Variants in PPP1R7 observed in about 807,000 individuals in gnomAD.
The protein encoded by PPP1R7 is protein phosphatase 1 regulatory subunit 7.
In PPP1R7, 18 loss-of-function variants were observed where a neutral mutation model predicts 45.2. The observed-to-expected ratio is 0.40, with a 90% confidence interval of 0.28 to 0.59. The LOEUF (loss-of-function observed/expected upper bound fraction) is 0.59, where lower values mean the gene tolerates loss of function less well. Ranked by LOEUF, PPP1R7 falls within the 20% of genes least tolerant of loss-of-function variation. The pLI is 0.46. For missense variants in PPP1R7, 314 were observed against 455.8 expected, an observed-to-expected ratio of 0.69 and a Z score of 2.83; for synonymous variants, 181 against 183.4, an observed-to-expected ratio of 0.99 and a Z score of 0.11.
At chr2:241,176,270 G>C (rs1315149123) in intron 9 of PPP1R7, among the ~76,000 whole-genome samples, 1 of 152,186 alleles carries the variant, frequency 6.6e-6, no homozygotes, top group Non-Finnish European at 1.5e-5. Context: ...GGCCAACTGG[G>C]TGGAGGCCAG....
At chr2:241,149,885 A>G, upstream of PPP1R7, 2 of 1,446,992 alleles carry the variant, frequency 1.4e-6, no homozygotes, top group Non-Finnish European at 1.8e-6. Flanking sequence ...CCAGCTGGCT[A>G]GCGGCCCCAC....
intron 8 of PPP1R7, among the ~76,000 whole-genome samples, chr2:241,168,384 T>C (rs1008292600): frequency 2.0e-5 from 3 of 152,166 alleles, no homozygotes; most frequent in African/African-American, 7.2e-5. Context: ...TGCCAGTTTC[T>C]GGGCTTGCAT....
chr2:241,152,220 C>T (rs1253304716), intron 1 of PPP1R7, among the ~76,000 whole-genome samples: 2 of 152,238 alleles, frequency 1.3e-5, no homozygotes, highest in Non-Finnish European at 1.5e-5. Flanking sequence ...AGGTGCTATA[C>T]TAGCTCCCTT....
chr2:241,164,024 T>G (rs2067653376), intron 7 of PPP1R7, among the ~76,000 whole-genome samples: 1 of 152,082 alleles, frequency 6.6e-6, no homozygotes, highest in Non-Finnish European at 1.5e-5. Flanking sequence ...TCAAGCAATC[T>G]TCCCTCCTCA....
intron 9 of PPP1R7, among the ~76,000 whole-genome samples, chr2:241,170,812 T>G (rs1309937319): frequency 6.6e-6 from 1 of 151,358 alleles, no homozygotes; most frequent in Non-Finnish European, 1.5e-5. Flanking sequence ...AGTGTCATGA[T>G]GGGATACCAG....
At chr2:241,153,179 C>G (rs1002679924) in intron 1 of PPP1R7, among the ~76,000 whole-genome samples, 1 of 152,220 alleles carries the variant, frequency 6.6e-6, no homozygotes, top group Admixed American at 6.5e-5. Flanking sequence ...TGGATTTAAT[C>G]ACAGGTGATC....
At chr2:241,176,885 G>T (rs955617071) in intron 9 of PPP1R7, among the ~76,000 whole-genome samples, 7 of 152,208 alleles carry the variant, frequency 4.6e-5, no homozygotes, top group African/African-American at 1.7e-4. Flanking sequence ...TCGTGACTAC[G>T]GAGATAGCTG....
In PPP1R7 at chr2:241,160,456, C is replaced by A; in HGVS notation, c.559C>A (p.Gln187Lys). Residue 187 changes from glutamine (Q) to lysine (K), a missense_variant, in exon 6 of 10, where the codon CAA becomes AAA. Physicochemically the swap from Gln to Lys is moderately conservative, Grantham distance 53. Coordinates refer to ENST00000234038, the MANE Select transcript of PPP1R7 (RefSeq NM_002712.3). ...SKIENLSNLH[Q>K]LQMLELGSNR... ...AATTGAGAACTTAAGCAACTTACATCAACTACAGATGCTAGAGCTGGGATC... is the reference window on the plus strand; with the variant it reads ...AATTGAGAACTTAAGCAACTTACATAAACTACAGATGCTAGAGCTGGGATC... The A allele has an allele frequency of 3.1e-6, 5 of 1,611,790 alleles. No homozygotes were observed. The highest frequency in any genetic ancestry group is 2.2e-5 in the South Asian group (2 of 90,418).
intron 2 of PPP1R7, 144 bp downstream of exon 2, chr2:241,153,748 G>A (rs1386391739): frequency 1.6e-5 from 16 of 1,027,160 alleles, no homozygotes; most frequent in African/African-American, 3.2e-5. Context: ...GCCCAGGGCA[G>A]GTGGATATGC....
At chr2:241,173,545 G>A (rs142119809) in intron 9 of PPP1R7, among the ~76,000 whole-genome samples, 269 of 152,300 alleles carry the variant, frequency 1.8e-3, no homozygotes, top group Middle Eastern at 3.4e-3. Flanking sequence ...GTGCCATGGT[G>A]TAGTTTATTT....
intron 8 of PPP1R7, 131 bp from the exon 9 acceptor site, chr2:241,169,648 GCC>G (rs2067780106): frequency 1.5e-6 from 1 of 684,842 alleles, no homozygotes; most frequent in African/African-American, 1.8e-5. Flanking sequence ...TCCATAGCAT[GCC>G]CTTACCCTGT....
chr2:241,165,661 T>G (rs1385166141), intron 7 of PPP1R7, among the ~76,000 whole-genome samples: 2 of 151,924 alleles, frequency 1.3e-5, no homozygotes, highest in Non-Finnish European at 2.9e-5. Flanking sequence ...TGGTGCAATC[T>G]CGGCTCACTG....
At chr2:241,179,340 T>G (rs1427158928) in intron 9 of PPP1R7, among the ~76,000 whole-genome samples, 1 of 152,128 alleles carries the variant, frequency 6.6e-6, no homozygotes, top group Non-Finnish European at 1.5e-5. Context: ...ATGATAAAAC[T>G]TAGCATCCCT....
At chr2:241,149,968 CCG>C (rs1424003597), upstream of PPP1R7, 1 of 1,423,350 alleles carries the variant, frequency 7.0e-7, no homozygotes, top group Non-Finnish European at 9.1e-7. Flanking sequence ...TGGGTAAAAT[CCG>C]CGCGGGGACG....
chr2:241,163,575 A>G (rs1156657257), intron 7 of PPP1R7, among the ~76,000 whole-genome samples, 174 bp downstream of exon 7: 2 of 152,088 alleles, frequency 1.3e-5, no homozygotes, highest in Non-Finnish European at 2.9e-5. Context: ...GCCAAGCAAA[A>G]ACTTGATTCT....
At chr2:241,151,390 G>A (rs2067298844) in intron 1 of PPP1R7, 2 of 466,378 alleles carry the variant, frequency 4.3e-6, no homozygotes, top group Non-Finnish European at 8.9e-6. Context: ...AAGGAGGGCG[G>A]GTGCAGCAGG....
chr2:241,167,088 G>T lies in PPP1R7; in HGVS notation c.819+647G>T, dbSNP rs1051033640. Reference sequence around the variant, plus strand: ...TACTGAGGGGAAGTGTGCTCACAGAGCCCCCACCCTCCTCAGCTGCCTCCA... The same window carrying T: ...TACTGAGGGGAAGTGTGCTCACAGATCCCCCACCCTCCTCAGCTGCCTCCA... On this transcript the variant is annotated intron_variant, in intron 8 of 9. Coordinates refer to ENST00000234038, the MANE Select transcript of PPP1R7 (RefSeq NM_002712.3). 3.7e-6 allele frequency: 6 copies of T among 1,610,056 alleles called. No individual in the cohort carries two copies. In the Admixed American group the frequency reaches 6.7e-5, roughly 18 times the overall value.
chr2:241,164,769 C>T (rs1442250750), intron 7 of PPP1R7, among the ~76,000 whole-genome samples: 1 of 152,124 alleles, frequency 6.6e-6, no homozygotes, highest in Non-Finnish European at 1.5e-5. Flanking sequence ...GCTCTTAGGC[C>T]AGGCGTGGTG....
chr2:241,167,311 A>T, intron 8 of PPP1R7: 1 of 408,870 alleles, frequency 2.4e-6, no homozygotes, highest in Non-Finnish European at 4.3e-6. Flanking sequence ...AATTTCACCA[A>T]CACCTGCATA....
Sources: gnomAD v4.1 joint callset for allele counts (sites outside exome capture counted in the v4.1 genomes callset) on GRCh38, gnomAD v4.1.1 for gene constraint, MANE v1.5 for transcripts, NCBI Gene and HGNC (gene_info 2026-07-23, HGNC 2026-07-21) for gene names.